The following TRAPPC13 variants were observed in gnomAD, a reference collection of about 807,000 sequenced individuals.
TRAPPC13 encodes trafficking protein particle complex subunit 13.
In TRAPPC13, 39 loss-of-function variants were observed where a neutral mutation model predicts 54.0. That is an observed-to-expected ratio of 0.72 (90% CI 0.56 to 0.94). The LOEUF (loss-of-function observed/expected upper bound fraction) is 0.94, where lower values mean the gene tolerates loss of function less well. Among genes scored for constraint, TRAPPC13 ranks in the 40% least tolerant of loss-of-function variants. The pLI is 0.00. For synonymous variants in TRAPPC13, 148 were observed against 167.7 expected (o/e 0.88, Z 0.91); for missense variants, 386 against 488.1 (o/e 0.79, Z 1.97).
intron 1 of TRAPPC13, chr5:65,634,890 C>T (rs1306326674): frequency 5.5e-6 from 4 of 722,830 alleles, no homozygotes; most frequent in African/African-American, 2.1e-5. Context: ...CAGAGTAAGC[C>T]TGTCTCAAAA....
At position 65,664,815 on chromosome 5, in the gene TRAPPC13, T is replaced by C. The variant is rs1756980256; in HGVS notation, c.*204T>C. On this transcript the variant is annotated 3_prime_UTR_variant, in exon 13 of 13. Coordinates refer to ENST00000399438, the MANE Select transcript of TRAPPC13 (RefSeq NM_024941.4). ...ATTTGAAATGAACATGTGTATATTT[T>C]CTACACCTATTATTTAATTTCATTT... is the stretch of plus-strand genomic sequence containing the variant. 5.3e-6 allele frequency: 3 copies of C among 561,008 alleles called. No homozygotes were observed. The highest frequency in any genetic ancestry group is 6.2e-6 in the Non-Finnish European group (2 of 321,450). 34.8% of individuals were successfully genotyped at this position (561,008 alleles called of 1,614,324 possible). A position where few individuals can be genotyped will look rare whatever the true frequency, so the allele number is the denominator to read the frequency against.
intron 8 of TRAPPC13, among the ~76,000 whole-genome samples, chr5:65,656,085 C>G (rs1183311195): frequency 1.3e-5 from 2 of 152,014 alleles, no homozygotes; most frequent in African/African-American, 4.8e-5. Flanking sequence ...TGATGATGGC[C>G]GCTTGACAAA....
intron 4 of TRAPPC13, among the ~76,000 whole-genome samples, chr5:65,643,837 GAAAA>G (rs11407179): frequency 7.5e-6 from 1 of 132,984 alleles, no homozygotes; most frequent in African/African-American, 2.8e-5. Context: ...AAAAAAGAAA[GAAAA>G]AAAAAAAAAG....
In TRAPPC13 at chr5:65,662,138, T is replaced by A; in HGVS notation, c.986T>A (p.Ile329Lys). The change falls in exon 11 of 13, where the codon ATA (isoleucine) becomes AAA (lysine). Residue 329 changes from isoleucine (I) to lysine (K), a missense_variant. Transcript: ENST00000399438. ...GAACCTTTTCATATTACCTGTAAAA[T>A]AACAAACTGCAGGTAATGCCACTGT... Reference protein sequence around the residue: ...LEEPFHITCKITNCSERTMDL... With the variant: ...LEEPFHITCKKTNCSERTMDL... 1 of 1,604,750 alleles carries A rather than the reference T, an allele frequency of 6.2e-7. No homozygotes were observed. Among genetic ancestry groups the A allele is most frequent in the Non-Finnish European group, 8.5e-7 (1 of 1,175,956 alleles).
intron 11 of TRAPPC13, chr5:65,663,956 A>C: frequency 3.0e-6 from 1 of 331,618 alleles, no homozygotes; most frequent in Non-Finnish European, 5.5e-6. Context: ...GTAGCACCAG[A>C]TCAGCACCAG....
At chr5:65,630,980 T>A (rs1755522745) in intron 1 of TRAPPC13, 1 of 152,456 alleles carries the variant, frequency 6.6e-6, no homozygotes. Flanking sequence ...CATTGTAGGT[T>A]CCCCATAAGC....
intron 4 of TRAPPC13, among the ~76,000 whole-genome samples, chr5:65,642,746 C>T (rs1021845456): frequency 1.3e-5 from 2 of 152,098 alleles, no homozygotes; most frequent in African/African-American, 4.8e-5. Context: ...CTGTAGCCTC[C>T]ACCTCCAAGG....
intron 1 of TRAPPC13, among the ~76,000 whole-genome samples, chr5:65,634,370 A>G (rs1755669793): frequency 1.3e-5 from 2 of 152,238 alleles, no homozygotes; most frequent in South Asian, 4.1e-4. Flanking sequence ...TAATAAGTCA[A>G]TTAGTTGATT....
intron 1 of TRAPPC13, among the ~76,000 whole-genome samples, chr5:65,628,623 C>T (rs1317914397): frequency 6.6e-6 from 1 of 151,954 alleles, no homozygotes; most frequent in Non-Finnish European, 1.5e-5. Context: ...AGGCACACGC[C>T]ACCACAGCCG....
At chr5:65,647,264 C>A in intron 5 of TRAPPC13, 82 bp downstream of exon 5, 2 of 1,300,332 alleles carry the variant, frequency 1.5e-6, no homozygotes, top group Non-Finnish European at 2.1e-6. Context: ...TTTCATTCAC[C>A]ATGAAGCATA....
intron 9 of TRAPPC13, among the ~76,000 whole-genome samples, chr5:65,659,983 AAAAAAAAG>A (rs1406371907): frequency 5.3e-5 from 8 of 150,908 alleles, no homozygotes; most frequent in Non-Finnish European, 8.9e-5. Context: ...AAAAAAAAAA[AAAAAAAAG>A]AAGAAGAAGA....
chr5:65,639,353 AAATT>A (rs1329005312), intron 4 of TRAPPC13, among the ~76,000 whole-genome samples: 7 of 151,448 alleles, frequency 4.6e-5, no homozygotes, highest in Non-Finnish European at 5.9e-5. Context: ...ATGGACAAAA[AAATT>A]AATTAAGAAA....
intron 4 of TRAPPC13, among the ~76,000 whole-genome samples, chr5:65,641,725 A>AC (rs1755972916): frequency 6.8e-6 from 1 of 147,228 alleles, no homozygotes; most frequent in African/African-American, 2.5e-5. Context: ...AAAAAAAAAA[A>AC]CAAAAAAAAC....
At chr5:65,661,858 C>T (rs1283421039) in intron 10 of TRAPPC13, 192 bp from the exon 11 acceptor site, 29 of 484,654 alleles carry the variant, frequency 6.0e-5, no homozygotes, top group African/African-American at 1.6e-4. Context: ...CCAGGTCTGC[C>T]AGGCTATTCC....
chr5:65,662,248 C>T, intron 11 of TRAPPC13, 98 bp downstream of exon 11: 1 of 759,068 alleles, frequency 1.3e-6, no homozygotes, highest in Non-Finnish European at 2.0e-6. Flanking sequence ...AAGTTTTCCT[C>T]TTGACATACA....
chr5:65,635,548 T>G (rs1303302870), intron 2 of TRAPPC13, among the ~76,000 whole-genome samples, 179 bp downstream of exon 2: 1 of 152,256 alleles, frequency 6.6e-6, no homozygotes, highest in Non-Finnish European at 1.5e-5. Flanking sequence ...TTACTTATAC[T>G]CTACAAGTCC....
At chr5:65,642,335 ATTTCTTGTATTGCAACAT>A (rs1756001561) in intron 4 of TRAPPC13, among the ~76,000 whole-genome samples, 1 of 150,588 alleles carries the variant, frequency 6.6e-6, no homozygotes, top group Admixed American at 6.6e-5. Flanking sequence ...AAAAAAAAAA[ATTTCTTGTATTGCAACAT>A]TTTCCCCTGG....
At chr5:65,659,967 C>CAAAA (rs141876171) in intron 9 of TRAPPC13, among the ~76,000 whole-genome samples, 103 of 95,206 alleles carry the variant, frequency 1.1e-3, no homozygotes, top group South Asian at 1.5e-3. Context: ...GTATTTTAAA[C>CAAAA]AAAAAAAAAA....
intron 1 of TRAPPC13, chr5:65,629,848 A>G (rs1179749596): frequency 6.5e-7 from 1 of 1,536,092 alleles, no homozygotes; most frequent in South Asian, 1.2e-5. Context: ...ATGATTGCAC[A>G]GTAGATCTAT....
Sources: gnomAD v4.1 joint callset for allele counts (sites outside exome capture counted in the v4.1 genomes callset) on GRCh38, gnomAD v4.1.1 for gene constraint, MANE v1.5 for transcripts, NCBI Gene and HGNC (gene_info 2026-07-23, HGNC 2026-07-21) for gene names.